The following GSE1 variants were observed in gnomAD, a reference collection of about 807,000 sequenced individuals.
GSE1 encodes Gse1 coiled-coil protein.
Under a neutral mutation model 112.6 loss-of-function variants are expected in GSE1, and 32 were observed. The ratio of observed to expected loss-of-function variants is 0.28; its 90% CI spans 0.21 to 0.38. The LOEUF (loss-of-function observed/expected upper bound fraction) is 0.38, where lower values mean the gene tolerates loss of function less well. Ranked by LOEUF, GSE1 falls within the 10% of genes least tolerant of loss-of-function variation. The pLI is 1.00. For synonymous variants in GSE1, 1,115 were observed against 735.6 expected (o/e 1.52, Z -8.35); for missense variants, 2,348 against 1,699.2 (o/e 1.38, Z -6.71).
At chr16:85,671,930 C>CAAGACAGCAGCAGATGCCGATTCTT (rs1238283083) in intron 15 of GSE1, 1 of 163,960 alleles carries the variant, frequency 6.1e-6, no homozygotes, top group Non-Finnish European at 1.3e-5. Context: ...GAGTTTGAGC[C>CAAGACAGCAGCAGATGCCGATTCTT]AAGACAGCAG....
In GSE1 at chr16:85,494,499, C is replaced by G. The variant is rs182793211; in HGVS notation, c.2464+136856C>G. ...ACAGGGTCTCACTCTGTTGCCCAGGCTGGAGTTCAGTGGTGCAATCCCAGC... is the reference window on the plus strand; with the variant it reads ...ACAGGGTCTCACTCTGTTGCCCAGGGTGGAGTTCAGTGGTGCAATCCCAGC... On this transcript the variant is annotated intron_variant, in intron 2 of 2. Transcript: ENST00000637419. Among the ~76,000 whole-genome samples, 422 of 149,138 alleles carry G rather than the reference C, an allele frequency of 2.8e-3. 3 individuals carry two copies. Among genetic ancestry groups the G allele is most frequent in the African/African-American group, 1.0e-2 (401 of 40,222 alleles).
intron 2 of GSE1, among the ~76,000 whole-genome samples, chr16:85,547,868 G>A (rs1163768412): frequency 7.9e-6 from 1 of 126,400 alleles, no homozygotes; most frequent in African/African-American, 3.0e-5. Context: ...GACAGAATGA[G>A]TCTCTGTCTC....
chr16:85,221,340 A>C (rs2075389046), intron 1 of GSE1, among the ~76,000 whole-genome samples: 1 of 146,380 alleles, frequency 6.8e-6, no homozygotes, highest in Non-Finnish European at 1.5e-5. Flanking sequence ...ACACACCCCA[A>C]GTACATGCAC....
rs191400754 is a variant in GSE1, at chr16:85,485,224, C to T, written c.2464+127581C>T. On this transcript the variant is annotated intron_variant, in intron 2 of 2. Transcript: ENST00000637419. ...CCGGAGATAGGCACCCCAGGGCCAC[C>T]CACTCACGGTTTCCCGCGCCCAGAG... 2.3e-4 allele frequency among the ~76,000 whole-genome samples: 35 copies of T among 152,366 alleles called. No individual in the cohort carries two copies. In the East Asian group the frequency reaches 5.8e-3, roughly 25 times the overall value.
At chr16:85,252,991 G>T (rs940449619) in intron 1 of GSE1, among the ~76,000 whole-genome samples, 1 of 147,146 alleles carries the variant, frequency 6.8e-6, no homozygotes, top group African/African-American at 2.5e-5. Context: ...GCCCTCGGCA[G>T]CCCCTAGCCA....
intron 1 of GSE1, among the ~76,000 whole-genome samples, chr16:85,557,586 G>GTT (rs2045299862): frequency 1.3e-5 from 2 of 149,594 alleles, no homozygotes; most frequent in African/African-American, 4.9e-5. Context: ...TTTTTCCTCT[G>GTT]TTCAGAAGAT....
At chr16:85,598,429 C>T (rs548762570) in intron 1 of GSE1, among the ~76,000 whole-genome samples, 15 of 152,250 alleles carry the variant, frequency 9.9e-5, no homozygotes, top group African/African-American at 2.9e-4. Flanking sequence ...CGTGTCTGGC[C>T]CTCCATGCTT....
chr16:85,211,312 G>GTT (rs566877175), intron 1 of GSE1, among the ~76,000 whole-genome samples: 18 of 139,106 alleles, frequency 1.3e-4, no homozygotes, highest in East Asian at 4.3e-4. Context: ...TTTTTTTTTT[G>GTT]TTTTTTTTTT....
chr16:85,564,258 G>A (rs1477816222), intron 1 of GSE1, among the ~76,000 whole-genome samples: 1 of 152,172 alleles, frequency 6.6e-6, no homozygotes, highest in Non-Finnish European at 1.5e-5. Flanking sequence ...CTGGGAGGAA[G>A]GAGGCTAACA....
At chr16:85,611,950 G>C (rs980833105), upstream of GSE1, among the ~76,000 whole-genome samples, 3 of 152,110 alleles carry the variant, frequency 2.0e-5, no homozygotes, top group African/African-American at 7.2e-5. Context: ...TCCCGGGGCA[G>C]GTTTGGGGCT....
At chr16:85,229,644 A>C (rs1597852425) in intron 1 of GSE1, among the ~76,000 whole-genome samples, 1 of 152,382 alleles carries the variant, frequency 6.6e-6, no homozygotes, top group Admixed American at 6.5e-5. Context: ...ATTTGAACCC[A>C]GGCAGGTTGG....
intron 1 of GSE1, among the ~76,000 whole-genome samples, chr16:85,588,255 C>T (rs778514865): frequency 2.0e-5 from 3 of 152,260 alleles, no homozygotes; most frequent in Non-Finnish European, 4.4e-5. Context: ...ACGCTGCATT[C>T]CCTACATGGC....
In GSE1 at chr16:85,654,284, G is replaced by A. The variant is rs548173812; in HGVS notation, c.433G>A (p.Gly145Ser). 2.4e-5 allele frequency: 38 copies of A among 1,597,096 alleles called. No individual in the cohort carries two copies. The highest frequency in any genetic ancestry group is 1.0e-4 in the South Asian group (9 of 89,066). ...VWRSESRQDA[G>S]SRSSSGGRER... ...GGACGCTCTCCTCCCGCAGGATGCC[G>A]GCTCCAGGAGCAGCAGTGGAGGTCG... Residue 145 changes from glycine (G) to serine (S), a missense_variant, in exon 4 of 16, where the codon GGC becomes AGC. Gly to Ser is a moderately conservative substitution (Grantham distance 56). Coordinates refer to ENST00000253458, the MANE Select transcript of GSE1 (RefSeq NM_014615.5).
chr16:85,463,588 C>T (rs1478581374), intron 2 of GSE1, among the ~76,000 whole-genome samples: 1 of 152,154 alleles, frequency 6.6e-6, no homozygotes, highest in Non-Finnish European at 1.5e-5. Context: ...TGCCCTCTTG[C>T]TTGCACAGGT....
intron 2 of GSE1, among the ~76,000 whole-genome samples, chr16:85,524,702 G>A (rs1458935230): frequency 6.6e-6 from 1 of 152,168 alleles, no homozygotes; most frequent in African/African-American, 2.4e-5. Context: ...GGCCAGGCCT[G>A]TAATCACGAG....
rs376808941 is a variant in GSE1, at chr16:85,221,851, T to C, written c.2283+50044T>C. Among the ~76,000 whole-genome samples, 120 of 152,228 alleles carry C rather than the reference T, an allele frequency of 7.9e-4. 4 individuals carry two copies. The South Asian group carries it at 0.022, about 28-fold the overall frequency. On this transcript the variant is annotated intron_variant, in intron 1 of 2. Transcript: ENST00000637419. ...GGCTGGGGGCCAGAGCCCACGTCAG[T>C]CCCGCTTGGAGCCCTCATGTTTTCC...
chr16:85,305,561 AC>A (rs1207308953), intron 1 of GSE1, among the ~76,000 whole-genome samples: 1 of 151,648 alleles, frequency 6.6e-6, no homozygotes, highest in Non-Finnish European at 1.5e-5. Flanking sequence ...GCTCACTGCA[AC>A]CTCCGCCTCC....
chr16:85,200,394 C>G (rs2075005750), intron 1 of GSE1, among the ~76,000 whole-genome samples: 1 of 145,478 alleles, frequency 6.9e-6, no homozygotes, highest in South Asian at 2.3e-4. Context: ...GTCTCGGTGG[C>G]TGCAAGTATC....
chr16:85,414,237 C>G (rs2048652455), intron 2 of GSE1, among the ~76,000 whole-genome samples: 1 of 152,186 alleles, frequency 6.6e-6, no homozygotes, highest in Non-Finnish European at 1.5e-5. Flanking sequence ...GGGACTTACT[C>G]GGAAACATCA....
Sources: allele counts gnomAD v4.1 joint callset (sites outside exome capture counted in the v4.1 genomes callset), GRCh38; gene constraint gnomAD v4.1.1; transcripts MANE v1.5; gene names NCBI Gene and HGNC (gene_info 2026-07-23, HGNC 2026-07-21).